The following PRIM2 variants were observed in gnomAD, a reference collection of about 807,000 sequenced individuals.
PRIM2 encodes the protein DNA primase subunit 2.
In PRIM2, 39 loss-of-function variants were observed where a neutral mutation model predicts 67.3. That is an observed-to-expected ratio of 0.58 (90% CI 0.45 to 0.76). The LOEUF (loss-of-function observed/expected upper bound fraction) is 0.76, where lower values mean the gene tolerates loss of function less well. Ranked by LOEUF, PRIM2 falls within the 30% of genes least tolerant of loss-of-function variation. The pLI is 0.00. For missense variants in PRIM2, 398 were observed against 598.7 expected, an observed-to-expected ratio of 0.66 and a Z score of 3.50; for synonymous variants, 143 against 198.7, an observed-to-expected ratio of 0.72 and a Z score of 2.36.
At chr6:57,381,816 T>C (rs62415469) in intron 6 of PRIM2, among the ~76,000 whole-genome samples, 1 of 152,224 alleles carries the variant, frequency 6.6e-6, no homozygotes, top group Non-Finnish European at 1.5e-5. Flanking sequence ...AGTGTTACTA[T>C]TTTTCAAAAC....
intron 5 of PRIM2, among the ~76,000 whole-genome samples, chr6:57,344,586 G>A (rs9367721): frequency 6.6e-6 from 1 of 152,140 alleles, no homozygotes; most frequent in African/African-American, 2.4e-5. Context: ...TAATACTTTT[G>A]TTCTCATAGT....
the PRIM2 span, among the ~76,000 whole-genome samples, chr6:57,251,839 T>A: frequency 6.6e-6 from 1 of 152,242 alleles, no homozygotes; most frequent in Non-Finnish European, 1.5e-5. Context: ...TCCAGGTTAT[T>A]ACAGTAGCTT....
At chr6:57,418,363 T>TAATG (rs1217494746) in intron 7 of PRIM2, among the ~76,000 whole-genome samples, 11 of 145,840 alleles carry the variant, frequency 7.5e-5, no homozygotes, top group African/African-American at 2.5e-4. Context: ...TGGGATAAGG[T>TAATG]AATGTTTCCT....
At chr6:57,565,007 A>G (rs1168663096) in intron 10 of PRIM2, among the ~76,000 whole-genome samples, 1 of 152,152 alleles carries the variant, frequency 6.6e-6, no homozygotes, top group Admixed American at 6.5e-5. Flanking sequence ...GCCATCTCCT[A>G]ATTTAGAATG....
chr6:57,285,457 G>A, the PRIM2 span, among the ~76,000 whole-genome samples: 1 of 152,182 alleles, frequency 6.6e-6, no homozygotes, highest in South Asian at 2.1e-4. Context: ...GTGATGCAAG[G>A]CTGGTTCAAC....
At chr6:57,559,608 A>G (rs1775589502) in intron 10 of PRIM2, among the ~76,000 whole-genome samples, 1 of 152,182 alleles carries the variant, frequency 6.6e-6, no homozygotes, top group Non-Finnish European at 1.5e-5. Context: ...TAGATCCTAG[A>G]CAACATAGAT....
intron 2 of PRIM2, among the ~76,000 whole-genome samples, chr6:57,319,563 T>C (rs1003273673): frequency 1.3e-5 from 2 of 152,208 alleles, no homozygotes; most frequent in Non-Finnish European, 2.9e-5. Context: ...GATTGAAAAG[T>C]GTCCCTTGGG....
intron 10 of PRIM2, among the ~76,000 whole-genome samples, chr6:57,570,570 A>G (rs1187771205): frequency 1.8e-3 from 271 of 152,352 alleles, no homozygotes; most frequent in African/African-American, 6.2e-3. Context: ...GGAAATGAAC[A>G]TTGAAAGGAT....
chr6:57,280,239 T>G, the PRIM2 span, among the ~76,000 whole-genome samples: 2 of 152,212 alleles, frequency 1.3e-5, no homozygotes, highest in East Asian at 3.8e-4. Context: ...ATATGTCACC[T>G]TTAATTTCTC....
At position 57,415,310 on chromosome 6, in the gene PRIM2, C is replaced by G. The variant is rs1385809758; in HGVS notation, c.693+33142C>G. On this transcript the variant is annotated intron_variant, in intron 7 of 13. Transcript: ENST00000615550. ...GCCTACATCAAAGATATTGCAGGTT[C>G]TGTTCGAGACTAATAGAGTGAATAT... 2.0e-5 allele frequency among the ~76,000 whole-genome samples: 3 copies of G among 152,128 alleles called. No homozygotes were observed. The East Asian group carries it at 5.8e-4, about 29-fold the overall frequency.
chr6:57,457,728 C>T (rs568753959), intron 7 of PRIM2, among the ~76,000 whole-genome samples: 20 of 152,284 alleles, frequency 1.3e-4, no homozygotes, highest in South Asian at 8.3e-4. Flanking sequence ...TGACCCCTTG[C>T]GCTTCCTGGG....
intron 12 of PRIM2, among the ~76,000 whole-genome samples, chr6:57,620,060 G>T (rs1776824228): frequency 6.6e-6 from 1 of 152,084 alleles, no homozygotes; most frequent in South Asian, 2.1e-4. Flanking sequence ...GCTGGGCGTG[G>T]TGACACACAA....
chr6:57,604,285 A>C (rs1174120719), intron 11 of PRIM2, among the ~76,000 whole-genome samples: 1 of 152,154 alleles, frequency 6.6e-6, no homozygotes, highest in Non-Finnish European at 1.5e-5. Flanking sequence ...CTCAAAAAAA[A>C]GAAATGCTAC....
intron 10 of PRIM2, among the ~76,000 whole-genome samples, chr6:57,563,596 C>G (rs1775680822): frequency 1.3e-5 from 2 of 152,080 alleles, no homozygotes; most frequent in South Asian, 4.1e-4. Context: ...GAAGTTCAGT[C>G]ATTGAATTTT....
At chr6:57,250,347 T>C in the PRIM2 span, among the ~76,000 whole-genome samples, 2 of 152,132 alleles carry the variant, frequency 1.3e-5, no homozygotes, top group Non-Finnish European at 2.9e-5. Flanking sequence ...GTGCTGGGCA[T>C]TGGGTATAAA....
chr6:57,603,036 A>G (rs1392172429), intron 11 of PRIM2, among the ~76,000 whole-genome samples: 1 of 152,184 alleles, frequency 6.6e-6, no homozygotes, highest in Non-Finnish European at 1.5e-5. Flanking sequence ...CCCATAGTTT[A>G]CAAGAGTTCA....
the PRIM2 span, among the ~76,000 whole-genome samples, chr6:57,271,660 C>T: frequency 6.6e-6 from 1 of 152,020 alleles, no homozygotes; most frequent in African/African-American, 2.4e-5. Flanking sequence ...TATTTCTTGC[C>T]TTCTGCTGGC....
In PRIM2 at chr6:57,370,290, G is replaced by A. The variant is rs1028343694; in HGVS notation, c.460-9611G>A. On this transcript the variant is annotated intron_variant, in intron 5 of 13. Coordinates refer to ENST00000615550, the MANE Select transcript of PRIM2 (RefSeq NM_000947.5). ...CTCATTTAGGAGAACCTAAATAAAT[G>A]AAATATCCTTATATTTTGTCCAATA... Among the ~76,000 whole-genome samples the A allele has an allele frequency of 5.3e-5, 8 of 152,270 alleles. No individual in the cohort carries two copies. The South Asian group carries it at 8.3e-4, about 16-fold the overall frequency.
At chr6:57,325,587 C>T (rs1343345293) in intron 4 of PRIM2, among the ~76,000 whole-genome samples, 2 of 152,170 alleles carry the variant, frequency 1.3e-5, no homozygotes, top group Non-Finnish European at 2.9e-5. Flanking sequence ...AACCACGACG[C>T]CCAGCCCCTA....
Sources: allele counts gnomAD v4.1 joint callset (sites outside exome capture counted in the v4.1 genomes callset), GRCh38; gene constraint gnomAD v4.1.1; transcripts MANE v1.5; gene names NCBI Gene and HGNC (gene_info 2026-07-23, HGNC 2026-07-21).